The following RSRP1 variants were observed in gnomAD, a reference collection of about 807,000 sequenced individuals.
RSRP1 encodes arginine/serine-rich protein 1.
A neutral mutation model predicts 33.0 loss-of-function variants in RSRP1; 37 were observed. That is an observed-to-expected ratio of 1.12 (90% CI 0.86 to 1.48). The LOEUF (loss-of-function observed/expected upper bound fraction) is 1.48, where lower values mean the gene tolerates loss of function less well. Ranked by LOEUF, RSRP1 falls within the 40% of genes most tolerant of loss-of-function variation. RSRP1 has a pLI of 0.00. For missense variants in RSRP1, 402 were observed against 385.3 expected, an observed-to-expected ratio of 1.04 and a Z score of -0.36; for synonymous variants, 167 against 158.7, an observed-to-expected ratio of 1.05 and a Z score of -0.40.
intron 1 of RSRP1, chr1:25,329,920 G>A (rs530125988): frequency 7.6e-6 from 1 of 132,122 alleles, no homozygotes; most frequent in African/African-American, 2.6e-5. Flanking sequence ...CTCCCAAAGT[G>A]CTGGGATTAC....
chr1:25,309,139 C>A lies in RSRP1; in HGVS notation c.-67+28839G>T, dbSNP rs1473477580. On this transcript the variant is annotated intron_variant, in intron 1 of 1. Transcript: ENST00000561867. The stretch of plus-strand genomic sequence containing the variant: ...GTTGACTTTGCATTAATTCCACAAA[C>A]AATATTTCCCAATTTCCTATTCAGA... Among the ~76,000 whole-genome samples the A allele has an allele frequency of 8.4e-5, 11 of 131,724 alleles. 3 individuals carry two copies. Among genetic ancestry groups the A allele is most frequent in the Non-Finnish European group, 1.8e-4 (10 of 55,870 alleles). 86.4% of individuals were successfully genotyped at this position (131,724 alleles called of 152,430 possible).
At chr1:25,332,820 G>A (rs747397326) in intron 1 of RSRP1, among the ~76,000 whole-genome samples, 1 of 132,318 alleles carries the variant, frequency 7.6e-6, no homozygotes, top group African/African-American at 2.6e-5. Flanking sequence ...ACAGCCAATC[G>A]ATACATAGAT....
chr1:25,280,714 C>G (rs1264831896), intron 1 of RSRP1, among the ~76,000 whole-genome samples: 1 of 127,404 alleles, frequency 7.8e-6, no homozygotes, highest in East Asian at 2.0e-4. Flanking sequence ...TAGGCACAAG[C>G]CATCCTCCTA....
chr1:25,292,339 G>A (rs1557530767), intron 1 of RSRP1, among the ~76,000 whole-genome samples: 2 of 132,732 alleles, frequency 1.5e-5, no homozygotes, highest in African/African-American at 2.6e-5. Flanking sequence ...GACTGAAGGG[G>A]CAAGAGAGGA....
chr1:25,278,637 G>A (rs982415335), intron 1 of RSRP1, among the ~76,000 whole-genome samples: 1 of 131,226 alleles, frequency 7.6e-6, no homozygotes, highest in African/African-American at 2.6e-5. Flanking sequence ...CTTCCCTAAG[G>A]CTTCCAAACT....
chr1:25,244,602 G>A, intron 3 of RSRP1: 1 of 1,266,592 alleles, frequency 7.9e-7, no homozygotes, highest in Non-Finnish European at 1.0e-6. Flanking sequence ...TCTGTAAATA[G>A]CTTAGAAAAA....
chr1:25,247,177 C>T, intron 1 of RSRP1, 132 bp downstream of exon 1: 1 of 507,578 alleles, frequency 2.0e-6, no homozygotes, highest in Non-Finnish European at 3.4e-6. Flanking sequence ...AAACCCCGCT[C>T]GGCGCCCTGA....
At chr1:25,263,754 C>T (rs1571545336) in intron 1 of RSRP1, among the ~76,000 whole-genome samples, 3 of 152,106 alleles carry the variant, frequency 2.0e-5, no homozygotes, top group Admixed American at 2.0e-4. Context: ...TCAGCATTAA[C>T]TCAAAAGTCC....
rs1641948011 is a variant in RSRP1 at position 25,285,927 on chromosome 1, A to G, written c.-66-38898T>C. ...GGGCACTGCTGTTAAACATTTCTCT[A>G]TGAGCCAGGAACTGTGCTGAGCACT... On this transcript the variant is annotated intron_variant, in intron 1 of 1. Transcript: ENST00000561867. Among the ~76,000 whole-genome samples the G allele has an allele frequency of 3.0e-5, 4 of 134,422 alleles. 1 individual carries two copies. The highest frequency in any genetic ancestry group is 2.2e-4 in the South Asian group (1 of 4,540). 88.2% of individuals were successfully genotyped at this position (134,422 alleles called of 152,430 possible).
chr1:25,244,778 A>G, intron 3 of RSRP1: 11 of 1,010,940 alleles, frequency 1.1e-5, no homozygotes, highest in South Asian at 1.1e-4. Context: ...TTAGCATCCT[A>G]GGCTCAAAGA....
intron 1 of RSRP1, among the ~76,000 whole-genome samples, chr1:25,302,606 T>A (rs1423912923): frequency 1.5e-5 from 2 of 129,724 alleles, no homozygotes; most frequent in African/African-American, 5.3e-5. Flanking sequence ...GCTCCGGTTC[T>A]GGAGCAGTGA....
intron 1 of RSRP1, among the ~76,000 whole-genome samples, chr1:25,318,949 T>C (rs1444924241): frequency 7.5e-6 from 1 of 133,244 alleles, no homozygotes; most frequent in Admixed American, 7.3e-5. Flanking sequence ...TGCAGAGTCT[T>C]TGTGAAGAAG....
chr1:25,253,443 C>A (rs1391339615), intron 1 of RSRP1: 2 of 152,266 alleles, frequency 1.3e-5, no homozygotes, highest in African/African-American at 4.8e-5. Flanking sequence ...CTCACTGCAA[C>A]CTCCGCCTCC....
chr1:25,245,175 A>G lies in RSRP1; in HGVS notation c.647T>C (p.Val216Ala), dbSNP rs114307014. 1.7e-4 allele frequency: 281 copies of G among 1,614,212 alleles called. 1 individual carries two copies. The African/African-American group carries it at 3.3e-3, about 19-fold the overall frequency. The change falls in exon 3 of 5, where the codon GTA (valine) becomes GCA (alanine). Residue 216 changes from valine (V) to alanine (A), a missense_variant. Physicochemically the swap from Val to Ala is moderately conservative, Grantham distance 64. Transcript: ENST00000243189. ...TTCAGGCTTTGCACCATTACTTGAT[A>G]CACCTATTCCACGGCTTGTTTCTTT... is the stretch of plus-strand genomic sequence containing the variant. ...SAKETSRGIG[V>A]SSNGAKPELS...
At chr1:25,315,166 T>A (rs1236643468) in intron 1 of RSRP1, among the ~76,000 whole-genome samples, 1 of 129,568 alleles carries the variant, frequency 7.7e-6, no homozygotes, top group Admixed American at 7.5e-5. Flanking sequence ...AAAAAAAATT[T>A]TTTTTGCAAG....
chr1:25,310,927 C>T (rs1355131783), intron 1 of RSRP1, among the ~76,000 whole-genome samples: 2 of 126,080 alleles, frequency 1.6e-5, no homozygotes, highest in Admixed American at 7.7e-5. Context: ...GAGCTGAGAT[C>T]GTGCTATTGC....
chr1:25,321,451 G>C lies in RSRP1; in HGVS notation c.-67+16527C>G, dbSNP rs555403317. On this transcript the variant is annotated intron_variant, in intron 1 of 1. Coordinates refer to the RSRP1 transcript ENST00000561867. The stretch of plus-strand genomic sequence containing the variant: ...TGAGGTGGGTGGATCACCTGAGGTC[G>C]GGAGTTCGAGACCAGCCTGGCCAAC... Among the ~76,000 whole-genome samples, 2 of 118,714 alleles carry C rather than the reference G, an allele frequency of 1.7e-5. 1 individual carries two copies. Among genetic ancestry groups the C allele is most frequent in the Admixed American group, 1.7e-4 (2 of 11,864 alleles). The allele number at this position is 118,714 out of a possible 152,430, so 77.9% of individuals were successfully genotyped here.
rs201238140 is a variant in RSRP1, at chr1:25,246,669, C to T, written c.295G>A (p.Gly99Arg). Residue 99 changes from glycine (G) to arginine (R), a missense_variant, in exon 2 of 5, where the codon GGG (glycine) becomes AGG (arginine). By Grantham distance (125) the Gly-to-Arg change is moderately radical (BLOSUM62 -2). Transcript: ENST00000243189. ...RSRRYRERRYGFTRRYYRSPS... is the reference protein window; with the variant it reads ...RSRRYRERRYRFTRRYYRSPS... The stretch of plus-strand genomic sequence containing the variant: ...GACCGGTAGTATCTCCTGGTGAACC[C>T]GTAGCGCCTCTCTCGGTAACGGCGG... 5 of 1,611,714 alleles carry T rather than the reference C, an allele frequency of 3.1e-6. No individual in the cohort carries two copies. Among genetic ancestry groups the T allele is most frequent in the Admixed American group, 3.3e-5 (2 of 59,988 alleles).
Position 25,322,284 on chromosome 1 carries a change from C to G in RSRP1, c.-67+15694G>C, listed in dbSNP as rs1644752867. On this transcript the variant is annotated intron_variant, in intron 1 of 1. Coordinates refer to the RSRP1 transcript ENST00000561867. ...GCCAAATAGTCTGACATGCGGGTGA[C>G]AGAACCCCACAATGCAAAAGCTGGA... Among the ~76,000 whole-genome samples, 3 of 132,604 alleles carry G rather than the reference C, an allele frequency of 2.3e-5. 1 individual carries two copies. The highest frequency in any genetic ancestry group is 7.7e-5 in the African/African-American group (3 of 38,906). 87.0% of individuals were successfully genotyped at this position (132,604 alleles called of 152,430 possible).
Sources: allele counts gnomAD v4.1 joint callset (sites outside exome capture counted in the v4.1 genomes callset), GRCh38; gene constraint gnomAD v4.1.1; transcripts MANE v1.5; gene names NCBI Gene and HGNC (gene_info 2026-07-23, HGNC 2026-07-21).